The following KLF9 variants were observed in gnomAD, a reference collection of about 807,000 sequenced individuals.
KLF9 encodes the protein Krueppel-like factor 9.
KLF9 carries 2 observed loss-of-function variants against 17.3 expected under a neutral mutation model. The observed-to-expected ratio is 0.12, with a 90% CI of 0.05 to 0.36. The LOEUF (loss-of-function observed/expected upper bound fraction) is 0.36. KLF9 is among the 10% of genes least tolerant of loss of function. The pLI, the probability that KLF9 is intolerant of heterozygous loss-of-function variation, is 1.00. For synonymous variants in KLF9, 138 were observed against 139.2 expected (o/e 0.99, Z 0.06); for missense variants, 226 against 333.2 (o/e 0.68, Z 2.51).
intron 1 of KLF9, among the ~76,000 whole-genome samples, chr9:70,405,186 T>G (rs1027365659): frequency 2.6e-5 from 4 of 152,256 alleles, no homozygotes; most frequent in African/African-American, 7.2e-5. Context: ...GAGAGACTTT[T>G]GTGTTTTTGA....
intron 1 of KLF9, among the ~76,000 whole-genome samples, chr9:70,390,583 G>C (rs1172127383): frequency 6.6e-6 from 1 of 151,968 alleles, no homozygotes; most frequent in Non-Finnish European, 1.5e-5. Context: ...TGTCATGTAT[G>C]ACTTTTGTCC....
intron 1 of KLF9, among the ~76,000 whole-genome samples, chr9:70,389,655 C>T (rs2037140157): frequency 6.6e-6 from 1 of 152,208 alleles, no homozygotes; most frequent in Admixed American, 6.5e-5. Flanking sequence ...CTCCCCACCC[C>T]ACAAGATGAA....
intron 1 of KLF9, among the ~76,000 whole-genome samples, chr9:70,396,819 T>C (rs2037184565): frequency 6.6e-6 from 1 of 152,198 alleles, no homozygotes; most frequent in South Asian, 2.1e-4. Context: ...TTTAATATTT[T>C]TTAAAAGTCT....
chr9:70,393,534 G>T (rs185933606), intron 1 of KLF9, among the ~76,000 whole-genome samples: 67 of 152,182 alleles, frequency 4.4e-4, no homozygotes, highest in East Asian at 3.9e-4. Flanking sequence ...TTTCCTACCT[G>T]GTTCTTCTCA....
chr9:70,391,804 A>T (rs1798097174), intron 1 of KLF9, among the ~76,000 whole-genome samples: 1 of 152,250 alleles, frequency 6.6e-6, no homozygotes, highest in African/African-American at 2.4e-5. Context: ...AAAAAAATTA[A>T]AAGAATATTT....
chr9:70,411,037 G>C (rs142034574), intron 1 of KLF9, among the ~76,000 whole-genome samples: 1 of 152,308 alleles, frequency 6.6e-6, no homozygotes, highest in East Asian at 1.9e-4. Context: ...AGGTTCTCCT[G>C]AAACAGCTGA....
intron 1 of KLF9, among the ~76,000 whole-genome samples, chr9:70,395,107 TA>T (rs1385731177): frequency 3.3e-5 from 5 of 152,176 alleles, no homozygotes; most frequent in Non-Finnish European, 7.3e-5. Context: ...ATAATTAAGA[TA>T]GTGAGATAGC....
chr9:70,413,344 A>G lies in KLF9; in HGVS notation c.20T>C (p.Met7Thr), dbSNP rs1265272927. 3.1e-5 allele frequency: 49 copies of G among 1,562,598 alleles called. No individual in the cohort carries two copies. The highest frequency in any genetic ancestry group is 4.1e-5 in the Non-Finnish European group (47 of 1,155,840). The part of the protein sequence containing the change: MSAAAY[M>T]DFVAAQCLVS... ...CAGACACTGGGCAGCCACGAAGTCC[A>G]TGTAGGCGGCCGCGGACATGGTGCG... Residue 7 changes from methionine (M) to threonine (T), a missense_variant, in exon 1 of 2, where the codon ATG (methionine) becomes ACG (threonine). By Grantham distance (81) the Met-to-Thr change is moderately conservative (BLOSUM62 -1). Coordinates refer to ENST00000377126, the MANE Select transcript of KLF9 (RefSeq NM_001206.4). The surrounding 1 kb of genome is among the most constrained non-coding windows in gnomAD (Gnocchi z 5.6).
intron 1 of KLF9, among the ~76,000 whole-genome samples, chr9:70,400,106 C>G (rs989070726): frequency 5.9e-5 from 9 of 152,112 alleles, no homozygotes; most frequent in Non-Finnish European, 1.0e-4. Flanking sequence ...CTCTTGGAAG[C>G]CCCACACAGG....
chr9:70,399,219 A>T (rs982764738), intron 1 of KLF9, among the ~76,000 whole-genome samples: 4 of 152,210 alleles, frequency 2.6e-5, no homozygotes, highest in Non-Finnish European at 5.9e-5. Context: ...CTAAACATAA[A>T]TTTTTAACAC....
chr9:70,388,028 G>C (rs1378564371), intron 1 of KLF9, 23 bp from the exon 2 acceptor site: 10 of 1,591,456 alleles, frequency 6.3e-6, no homozygotes, highest in Non-Finnish European at 8.6e-6. Context: ...AATCAGAAAG[G>C]ATACAGCTCA....
chr9:70,403,831 G>A (rs1248892984), intron 1 of KLF9, among the ~76,000 whole-genome samples: 1 of 152,176 alleles, frequency 6.6e-6, no homozygotes, highest in Admixed American at 6.5e-5. Context: ...CAGAGTCCAA[G>A]ATTTCTGCTG....
At position 70,414,611 on chromosome 9, in the gene KLF9, A is replaced by C. The variant is rs1297627987; in HGVS notation, c.-1248T>G. On this transcript the variant is annotated 5_prime_UTR_variant, in exon 1 of 2. Coordinates refer to ENST00000377126, the MANE Select transcript of KLF9 (RefSeq NM_001206.4). ...GCAGTGTGAATCTATAATTAAAAAA[A>C]CCCCATTATGTCAGGATAAGTCCAA... 2 of 152,176 alleles carry C rather than the reference A, an allele frequency of 1.3e-5. No individual in the cohort carries two copies. Among genetic ancestry groups the C allele is most frequent in the African/African-American group, 2.4e-5 (1 of 41,440 alleles). 9.4% of individuals were successfully genotyped at this position (152,176 alleles called of 1,614,324 possible).
intron 1 of KLF9, among the ~76,000 whole-genome samples, chr9:70,401,695 A>AAC (rs2037223059): frequency 6.6e-6 from 1 of 150,494 alleles, no homozygotes; most frequent in African/African-American, 2.4e-5. Context: ...ACAAAAAAAA[A>AAC]AAAAAAAAAA....
At chr9:70,403,005 C>G (rs1012554006) in intron 1 of KLF9, among the ~76,000 whole-genome samples, 1 of 151,988 alleles carries the variant, frequency 6.6e-6, no homozygotes, top group African/African-American at 2.4e-5. Context: ...CAAAAATTAG[C>G]CTGGCATGGT....
intron 1 of KLF9, among the ~76,000 whole-genome samples, chr9:70,390,114 C>G (rs924372615): frequency 6.6e-6 from 1 of 152,230 alleles, no homozygotes; most frequent in Non-Finnish European, 1.5e-5. Flanking sequence ...TTGTGATAAT[C>G]TATTCATGAT....
chr9:70,386,936 TC>T lies in KLF9; in HGVS notation c.*839del, dbSNP rs879143047. 6 of 152,624 alleles carry T rather than the reference TC, an allele frequency of 3.9e-5. No individual in the cohort carries two copies. The South Asian group carries it at 1.2e-3, about 32-fold the overall frequency. The allele number at this position is 152,624 out of a possible 1,614,324, so 9.5% of individuals were successfully genotyped here. ...CCAAACAGAACATCTGCTTCTATCC[TC>T]AAAGCATGTATTTAACTTATTCATC... On this transcript the variant is annotated 3_prime_UTR_variant, in exon 2 of 2. Coordinates refer to ENST00000377126, the MANE Select transcript of KLF9 (RefSeq NM_001206.4).
In KLF9 at chr9:70,413,284, T is replaced by C. The variant is rs750161862; in HGVS notation, c.80A>G (p.His27Arg). 6.2e-7 allele frequency: 1 copy of C among 1,612,402 alleles called. No individual in the cohort carries two copies. The highest frequency in any genetic ancestry group is 8.5e-7 in the Non-Finnish European group (1 of 1,179,716). The change falls in exon 1 of 2, where the codon CAT becomes CGT. Residue 27 changes from histidine to arginine, a missense_variant. Physicochemically the swap from His to Arg is conservative, Grantham distance 29. Transcript: ENST00000377126. The surrounding 1 kb of genome is among the most constrained non-coding windows in gnomAD (Gnocchi z 5.6). ...SISNRAAVPE[H>R]GVAPDAERLR... ...CCGCTCGGCGTCCGGAGCGACCCCA[T>C]GCTCCGGCACCGCAGCGCGGTTCGA...
chr9:70,403,065 G>T (rs1395064537), intron 1 of KLF9, among the ~76,000 whole-genome samples: 1 of 152,160 alleles, frequency 6.6e-6, no homozygotes, highest in Non-Finnish European at 1.5e-5. Context: ...CACCAGAATG[G>T]CTTAAACCAG....
Sources: gnomAD v4.1 joint callset for allele counts (sites outside exome capture counted in the v4.1 genomes callset) on GRCh38, gnomAD v4.1.1 for gene constraint, Gnocchi (gnomAD v3.1) non-coding constraint, MANE v1.5 for transcripts, NCBI Gene and HGNC (gene_info 2026-07-23, HGNC 2026-07-21) for gene names.